Variants in PTGIS observed in about 807,000 individuals in gnomAD.
The protein encoded by PTGIS is prostaglandin I2 synthase.
A neutral mutation model predicts 50.3 loss-of-function variants in PTGIS; 45 were observed. That is an observed-to-expected ratio of 0.90 (90% CI 0.70 to 1.15). The LOEUF is 1.15. Ranked by LOEUF, PTGIS falls within the 50% of genes most tolerant of loss-of-function variation. The pLI is 0.00. For synonymous variants in PTGIS, 260 were observed against 267.7 expected (o/e 0.97, Z 0.28); for missense variants, 668 against 661.3 (o/e 1.01, Z -0.11).
intron 5 of PTGIS, among the ~76,000 whole-genome samples, chr20:49,533,762 G>A (rs900167583): frequency 6.6e-6 from 1 of 152,062 alleles, no homozygotes; most frequent in East Asian, 1.9e-4. Flanking sequence ...TTCAAAACCA[G>A]CCTGGCCAAT....
intron 4 of PTGIS, among the ~76,000 whole-genome samples, 156 bp downstream of exon 4, chr20:49,544,149 C>A (rs1982297112): frequency 6.6e-6 from 1 of 152,186 alleles, no homozygotes; most frequent in Admixed American, 6.5e-5. Flanking sequence ...AGCCGGGGCC[C>A]TGGTGCATGG....
intron 6 of PTGIS, among the ~76,000 whole-genome samples, chr20:49,519,696 C>T (rs976225912): frequency 5.9e-5 from 9 of 152,196 alleles, no homozygotes; most frequent in Middle Eastern, 3.4e-3. Flanking sequence ...ATTCAACATA[C>T]CCAAAGCCCA....
At chr20:49,557,896 C>T (rs1982656431) in intron 1 of PTGIS, among the ~76,000 whole-genome samples, 1 of 152,154 alleles carries the variant, frequency 6.6e-6, no homozygotes, top group Non-Finnish European at 1.5e-5. Context: ...CTTTCTCTTA[C>T]AGCCCACCTT....
At chr20:49,510,533 G>A (rs538182207) in intron 9 of PTGIS, among the ~76,000 whole-genome samples, 174 of 152,236 alleles carry the variant, frequency 1.1e-3, no homozygotes, top group African/African-American at 4.0e-3. Flanking sequence ...CTGGACAGGA[G>A]GACAGGGCAG....
intron 1 of PTGIS, among the ~76,000 whole-genome samples, chr20:49,563,325 T>C (rs1982822245): frequency 6.6e-6 from 1 of 152,336 alleles, no homozygotes; most frequent in East Asian, 1.9e-4. Flanking sequence ...TGCTCTTCCA[T>C]ACCTGCCCCG....
chr20:49,540,030 G>C lies in PTGIS; in HGVS notation c.522-309C>G, dbSNP rs1568679796. Among the ~76,000 whole-genome samples the C allele has an allele frequency of 6.6e-6, 1 of 151,378 alleles. No homozygotes were observed. Among genetic ancestry groups the C allele is most frequent in the Admixed American group, 6.6e-5 (1 of 15,224 alleles). On this transcript the variant is annotated intron_variant, in intron 4 of 9. Coordinates refer to ENST00000244043, the MANE Select transcript of PTGIS (RefSeq NM_000961.4). This position sits in a 1 kb window ranked among gnomAD's most constrained non-coding sequence, Gnocchi z 4.8. The stretch of plus-strand genomic sequence containing the variant: ...AGCAGGATGGGAGGGCGGGGGCTGT[G>C]GTGTCAGGTGCCAGGTGAGGGAGGG...
At chr20:49,523,808 T>C (rs144911911) in intron 6 of PTGIS, among the ~76,000 whole-genome samples, 1 of 152,256 alleles carries the variant, frequency 6.6e-6, no homozygotes, top group Non-Finnish European at 1.5e-5. Context: ...GAATACCGAA[T>C]GAATGTTTCT....
rs1373855104 is a variant in PTGIS at position 49,505,684 on chromosome 20, A to G, written c.*2236T>C. ...CTTCCCAGCCACGATGAGGCAGCTG[A>G]GGGTTGCCACGGAAACCGGCTCTGT... On this transcript the variant is annotated 3_prime_UTR_variant, in exon 10 of 10. Transcript: ENST00000244043. 1 of 152,662 alleles carries G rather than the reference A, an allele frequency of 6.6e-6. No homozygotes were observed. Among genetic ancestry groups the G allele is most frequent in the Non-Finnish European group, 1.5e-5 (1 of 68,086 alleles). The allele number at this position is 152,662 out of a possible 1,614,324, so 9.5% of individuals were successfully genotyped here.
intron 8 of PTGIS, among the ~76,000 whole-genome samples, chr20:49,512,856 T>G (rs1981361176): frequency 6.6e-6 from 1 of 152,124 alleles, no homozygotes. Context: ...CAATATCTGC[T>G]TATGCATGAT....
chr20:49,546,838 A>T (rs1982373232), intron 3 of PTGIS, among the ~76,000 whole-genome samples: 1 of 152,192 alleles, frequency 6.6e-6, no homozygotes, highest in Non-Finnish European at 1.5e-5. Context: ...CGTTCTGCAC[A>T]CCCTACATCC....
intron 1 of PTGIS, among the ~76,000 whole-genome samples, chr20:49,562,931 C>G (rs566484039): frequency 6.6e-6 from 1 of 152,332 alleles, no homozygotes; most frequent in South Asian, 2.1e-4. Context: ...GCACTCAGAA[C>G]AGTGGCTGGT....
At chr20:49,520,336 C>CTT (rs57853650) in intron 6 of PTGIS, among the ~76,000 whole-genome samples, 130 of 146,332 alleles carry the variant, frequency 8.9e-4, no homozygotes, top group Middle Eastern at 3.6e-3. Flanking sequence ...CCCTCTAATA[C>CTT]TTTTTTTTTT....
intron 8 of PTGIS, 130 bp downstream of exon 8, chr20:49,512,950 T>C: frequency 9.0e-7 from 1 of 1,115,616 alleles, no homozygotes; most frequent in Non-Finnish European, 1.3e-6. Context: ...CACAGAGAGG[T>C]GAAGCAATCT....
At chr20:49,537,057 A>G (rs1982094713) in intron 5 of PTGIS, among the ~76,000 whole-genome samples, 1 of 152,206 alleles carries the variant, frequency 6.6e-6, no homozygotes, top group South Asian at 2.1e-4. Context: ...ATTCAAATCC[A>G]GGCCTCTGCT....
chr20:49,558,713 ATTT>A (rs33976646), intron 1 of PTGIS, among the ~76,000 whole-genome samples: 3,658 of 143,968 alleles, frequency 0.025, 46 homozygotes, highest in East Asian at 0.034. Context: ...AAGTTAGACA[ATTT>A]TTTTTTTTTT....
At position 49,540,149 on chromosome 20, in the gene PTGIS, T is replaced by C. The variant is rs570204711; in HGVS notation, c.522-428A>G. Among the ~76,000 whole-genome samples the C allele has an allele frequency of 2.0e-5, 3 of 152,058 alleles. No homozygotes were observed. Among genetic ancestry groups the C allele is most frequent in the South Asian group, 2.1e-4 (1 of 4,806 alleles). Reference sequence around the variant, plus strand: ...GAAGCAGAGCAAGCACCAGGTGTGATGTCCTGGGGCAGGAGGGAGCCCGGT... The same window carrying C: ...GAAGCAGAGCAAGCACCAGGTGTGACGTCCTGGGGCAGGAGGGAGCCCGGT... On this transcript the variant is annotated intron_variant, in intron 4 of 9. Transcript: ENST00000244043. This position sits in a 1 kb window ranked among gnomAD's most constrained non-coding sequence, Gnocchi z 4.8.
At chr20:49,514,467 C>A in intron 6 of PTGIS, 72 bp from the exon 7 acceptor site, 3 of 1,555,802 alleles carry the variant, frequency 1.9e-6, no homozygotes, top group Non-Finnish European at 2.6e-6. Context: ...GGACACAGCT[C>A]GGGCCAAGAC....
intron 8 of PTGIS, 146 bp downstream of exon 8, chr20:49,512,934 A>G: frequency 1.1e-6 from 1 of 929,170 alleles, no homozygotes; most frequent in Non-Finnish European, 1.6e-6. Context: ...CAGGTGAGGA[A>G]GCAAACACAG....
intron 4 of PTGIS, among the ~76,000 whole-genome samples, chr20:49,541,330 C>T (rs529952538): frequency 6.6e-6 from 1 of 152,292 alleles, no homozygotes; most frequent in East Asian, 1.9e-4. Context: ...CTGCAGTTGA[C>T]ACTGGTCATC....
Sources: allele counts gnomAD v4.1 joint callset (sites outside exome capture counted in the v4.1 genomes callset), GRCh38; gene constraint gnomAD v4.1.1; non-coding constraint Gnocchi (gnomAD v3.1); transcripts MANE v1.5; gene names NCBI Gene and HGNC (gene_info 2026-07-23, HGNC 2026-07-21).